Variants in FSTL5 observed in about 807,000 individuals in gnomAD.
FSTL5 encodes follistatin-related protein 5.
Under a neutral mutation model 89.1 loss-of-function variants are expected in FSTL5, and 62 were observed. The ratio of observed to expected loss-of-function variants is 0.70; its 90% CI spans 0.57 to 0.86. The LOEUF is 0.86. Ranked by LOEUF, FSTL5 falls within the 40% of genes least tolerant of loss-of-function variation. The pLI is 0.00. For missense variants in FSTL5, 1,057 were observed against 1,001.6 expected (o/e 1.06, Z -0.75); for synonymous variants, 383 against 346.2 (o/e 1.11, Z -1.18).
chr4:161,956,295 GAAT>G (rs1036537305), intron 3 of FSTL5, among the ~76,000 whole-genome samples: 2 of 151,472 alleles, frequency 1.3e-5, no homozygotes, highest in Middle Eastern at 3.2e-3. Flanking sequence ...GCCCAATTAA[GAAT>G]AAGAATAAAT....
chr4:161,912,622 G>T (rs992079767), intron 4 of FSTL5, among the ~76,000 whole-genome samples: 4 of 152,108 alleles, frequency 2.6e-5, no homozygotes, highest in African/African-American at 4.8e-5. Flanking sequence ...CCAGTCTCGG[G>T]TATGTCTTCA....
intron 3 of FSTL5, among the ~76,000 whole-genome samples, chr4:161,983,414 G>C (rs954595509): frequency 5.9e-5 from 9 of 152,098 alleles, no homozygotes; most frequent in African/African-American, 2.4e-5. Context: ...TATGTAGTTA[G>C]TTTAGACTCC....
chr4:161,916,436 G>A (rs1295605518), intron 4 of FSTL5, among the ~76,000 whole-genome samples: 1 of 152,110 alleles, frequency 6.6e-6, no homozygotes, highest in East Asian at 1.9e-4. Context: ...GTGAATTGCT[G>A]CAGTTAGAAA....
intron 3 of FSTL5, among the ~76,000 whole-genome samples, chr4:161,923,032 T>A (rs186667047): frequency 2.8e-4 from 42 of 152,064 alleles, no homozygotes; most frequent in Middle Eastern, 3.4e-3. Flanking sequence ...TATATTGTTA[T>A]AACAAATAAC....
chr4:161,984,859 C>G (rs1357839757), intron 3 of FSTL5, among the ~76,000 whole-genome samples: 1 of 152,010 alleles, frequency 6.6e-6, no homozygotes, highest in Non-Finnish European at 1.5e-5. Context: ...ATTCAGATTC[C>G]TTGGCCCTAG....
At chr4:161,919,024 A>G (rs566510609) in intron 4 of FSTL5, among the ~76,000 whole-genome samples, 154 of 152,238 alleles carry the variant, frequency 1.0e-3, no homozygotes, top group Middle Eastern at 3.4e-3. Flanking sequence ...ATGCTAAGTT[A>G]AAATATTTTG....
intron 8 of FSTL5, 30 bp from the exon 9 acceptor site, chr4:161,542,723 T>C (rs1731872455): frequency 7.4e-7 from 1 of 1,348,370 alleles, no homozygotes; most frequent in Non-Finnish European, 9.8e-7. Flanking sequence ...AGAAAGTGAA[T>C]TAGTGATTCA....
chr4:161,779,777 A>G lies in FSTL5; in HGVS notation c.410-3703T>C, dbSNP rs1378617639. ...TGTAAAGTTATATATATATATATGT[A>G]TATATATATATATATATATATATAT... On this transcript the variant is annotated intron_variant, in intron 4 of 15. Transcript: ENST00000306100. 7.9e-4 allele frequency among the ~76,000 whole-genome samples: 50 copies of G among 63,304 alleles called. 1 individual carries two copies. Among genetic ancestry groups the G allele is most frequent in the Non-Finnish European group, 1.4e-3 (39 of 28,354 alleles). The allele number at this position is 63,304 out of a possible 152,430, so 41.5% of individuals were successfully genotyped here. A position where few individuals can be genotyped will look rare whatever the true frequency, so the allele number is the denominator to read the frequency against.
chr4:161,734,339 A>G (rs1275299099), intron 6 of FSTL5, among the ~76,000 whole-genome samples: 1 of 152,194 alleles, frequency 6.6e-6, no homozygotes, highest in Non-Finnish European at 1.5e-5. Flanking sequence ...CAATTGAGAC[A>G]CGTAAAATAT....
At chr4:161,621,394 A>T (rs1639962003) in intron 7 of FSTL5, among the ~76,000 whole-genome samples, 1 of 152,146 alleles carries the variant, frequency 6.6e-6, no homozygotes, top group African/African-American at 2.4e-5. Flanking sequence ...ATAAGATTTC[A>T]AAATATTTAA....
chr4:161,991,254 G>T (rs948386181), intron 3 of FSTL5, among the ~76,000 whole-genome samples: 7 of 152,132 alleles, frequency 4.6e-5, no homozygotes, highest in Non-Finnish European at 1.5e-5. Flanking sequence ...TTCATACGAT[G>T]CACATAATTT....
chr4:162,092,371 T>G lies in FSTL5; in HGVS notation c.126+18900A>C, dbSNP rs1730582594. Among the ~76,000 whole-genome samples the G allele has an allele frequency of 2.0e-5, 3 of 152,288 alleles. No homozygotes were observed. In the South Asian group the frequency reaches 6.2e-4, roughly 32 times the overall value. On this transcript the variant is annotated intron_variant, in intron 2 of 15. Coordinates refer to ENST00000306100, the MANE Select transcript of FSTL5 (RefSeq NM_020116.5). ...GAAACAAGTTTGAAAGAAAATATTT[T>G]TCTACAAGTTTACATAATGTTTAAC...
chr4:161,422,299 A>G (rs1277617823), intron 15 of FSTL5, among the ~76,000 whole-genome samples: 1 of 152,162 alleles, frequency 6.6e-6, no homozygotes, highest in Non-Finnish European at 1.5e-5. Flanking sequence ...TAGATTGCCT[A>G]GCACAAAATA....
chr4:161,729,549 T>C (rs569935081), intron 6 of FSTL5, among the ~76,000 whole-genome samples: 1 of 152,208 alleles, frequency 6.6e-6, no homozygotes, highest in Non-Finnish European at 1.5e-5. Flanking sequence ...CAGTGATATA[T>C]GATTTTTGTC....
chr4:161,684,757 C>T (rs1472315164), intron 6 of FSTL5, among the ~76,000 whole-genome samples: 1 of 152,146 alleles, frequency 6.6e-6, no homozygotes, highest in African/African-American at 2.4e-5. Context: ...CGTGCAAAAG[C>T]TCTTTAGTAT....
At chr4:161,546,090 T>A (rs563016545) in intron 8 of FSTL5, among the ~76,000 whole-genome samples, 268 of 151,420 alleles carry the variant, frequency 1.8e-3, no homozygotes, top group Non-Finnish European at 2.8e-3. Context: ...ATAACAAAAA[T>A]TGAAATTATA....
In FSTL5 at chr4:161,665,587, G is replaced by A. The variant is rs148445755; in HGVS notation, c.728-9093C>T. 6.0e-3 allele frequency among the ~76,000 whole-genome samples: 920 copies of A among 152,230 alleles called. 9 individuals are homozygous for A. Among genetic ancestry groups the A allele is most frequent in the South Asian group, 0.046 (220 of 4,830 alleles). ...AAAAGATACAGCCTGCCTATATGGTGAGGAGAGTTAGACACATAACTGATT... is the reference window on the plus strand; with the variant it reads ...AAAAGATACAGCCTGCCTATATGGTAAGGAGAGTTAGACACATAACTGATT... On this transcript the variant is annotated intron_variant, in intron 6 of 15. Coordinates refer to ENST00000306100, the MANE Select transcript of FSTL5 (RefSeq NM_020116.5).
chr4:161,870,879 C>A lies in FSTL5; in HGVS notation c.409+49525G>T, dbSNP rs1448833243. ...AAATTATCTGCATAATGAAAACAAA[C>A]CCAAAAGGAATGACAGGTAGGGAAG... On this transcript the variant is annotated intron_variant, in intron 4 of 15. Transcript: ENST00000306100. Among the ~76,000 whole-genome samples, 10 of 152,100 alleles carry A rather than the reference C, an allele frequency of 6.6e-5. No homozygotes were observed. In the South Asian group the frequency reaches 2.1e-3, roughly 32 times the overall value.
chr4:161,795,054 G>C (rs201137259), intron 4 of FSTL5, among the ~76,000 whole-genome samples: 1 of 151,436 alleles, frequency 6.6e-6, no homozygotes, highest in African/African-American at 2.4e-5. Context: ...AGTGCCAGGC[G>C]CCTATTTTCT....
Sources: allele counts gnomAD v4.1 joint callset (sites outside exome capture counted in the v4.1 genomes callset), GRCh38; gene constraint gnomAD v4.1.1; transcripts MANE v1.5; gene names NCBI Gene and HGNC (gene_info 2026-07-23, HGNC 2026-07-21).